Variants in ADAMTS17 observed in about 807,000 individuals in gnomAD.
ADAMTS17 encodes the protein ADAM metallopeptidase with thrombospondin type 1 motif 17.
In ADAMTS17, 113 loss-of-function variants were observed where a neutral mutation model predicts 141.5. The observed-to-expected ratio is 0.80, with a 90% CI of 0.69 to 0.93. ADAMTS17 has a LOEUF of 0.93. Among genes scored for constraint, ADAMTS17 ranks in the 40% least tolerant of loss-of-function variants. The probability of loss-of-function intolerance (pLI) is 0.00; values close to 1 mark genes in which losing one functional copy is unlikely to be tolerated. For missense variants in ADAMTS17, 1,659 were observed against 1,517.9 expected (o/e 1.09, Z -1.54); for synonymous variants, 768 against 630.6 (o/e 1.22, Z -3.27).
chr15:100,307,662 C>G (rs373633633), intron 3 of ADAMTS17, among the ~76,000 whole-genome samples: 1 of 152,164 alleles, frequency 6.6e-6, no homozygotes, highest in African/African-American at 2.4e-5. Context: ...GGAACCATGC[C>G]GTTTTACTGT....
intron 6 of ADAMTS17, among the ~76,000 whole-genome samples, chr15:100,259,284 G>C (rs1443319836): frequency 6.6e-6 from 1 of 152,226 alleles, no homozygotes; most frequent in African/African-American, 2.4e-5. Context: ...GGTTCCCAAG[G>C]ACTCTTGCTT....
chr15:99,994,210 A>G (rs1412644150), intron 19 of ADAMTS17, among the ~76,000 whole-genome samples: 5 of 152,208 alleles, frequency 3.3e-5, no homozygotes, highest in Admixed American at 1.3e-4. Context: ...TATAACTTGG[A>G]AAGATGGTGT....
chr15:100,295,765 A>G (rs930090971), intron 3 of ADAMTS17, among the ~76,000 whole-genome samples: 1 of 152,200 alleles, frequency 6.6e-6, no homozygotes, highest in Non-Finnish European at 1.5e-5. Context: ...AATACCTAGC[A>G]TGGTTCCAGC....
chr15:100,200,144 C>G (rs1016183130), intron 7 of ADAMTS17, among the ~76,000 whole-genome samples: 2 of 152,208 alleles, frequency 1.3e-5, no homozygotes. Context: ...CATGCTCGCA[C>G]CTAAGGATCT....
intron 15 of ADAMTS17, among the ~76,000 whole-genome samples, chr15:100,073,409 C>A (rs1443153773): frequency 3.3e-5 from 5 of 152,294 alleles, no homozygotes; most frequent in African/African-American, 1.2e-4. Flanking sequence ...CATCCCATTA[C>A]TGGGTGTATA....
intron 8 of ADAMTS17, among the ~76,000 whole-genome samples, chr15:100,172,510 C>A (rs1267426911): frequency 6.6e-6 from 1 of 152,294 alleles, no homozygotes; most frequent in Admixed American, 6.5e-5. Context: ...TGGTCACCTG[C>A]TCCATCCTGA....
chr15:100,074,423 G>T (rs1596353327), intron 15 of ADAMTS17, among the ~76,000 whole-genome samples: 1 of 152,074 alleles, frequency 6.6e-6, no homozygotes, highest in African/African-American at 2.4e-5. Context: ...CTCATATGAA[G>T]AGTTTTGTTA....
intron 14 of ADAMTS17, among the ~76,000 whole-genome samples, chr15:100,101,925 C>A (rs560803146): frequency 6.6e-6 from 1 of 152,208 alleles, no homozygotes; most frequent in Non-Finnish European, 1.5e-5. Context: ...AGTTGCGCAG[C>A]CGTGACTCCA....
At chr15:100,157,714 AGT>A (rs896396806) in intron 8 of ADAMTS17, among the ~76,000 whole-genome samples, 1 of 152,140 alleles carries the variant, frequency 6.6e-6, no homozygotes, top group African/African-American at 2.4e-5. Flanking sequence ...ATCCATGACA[AGT>A]GTGTTGATCT....
At chr15:100,291,189 C>T (rs1056196575) in intron 3 of ADAMTS17, among the ~76,000 whole-genome samples, 3 of 152,116 alleles carry the variant, frequency 2.0e-5, no homozygotes, top group Admixed American at 6.6e-5. Context: ...GGGCAAAGGA[C>T]AGGAACAGAT....
intron 18 of ADAMTS17, among the ~76,000 whole-genome samples, chr15:100,032,016 G>A (rs1053281138): frequency 2.0e-5 from 3 of 152,316 alleles, no homozygotes; most frequent in African/African-American, 2.4e-5. Flanking sequence ...CTGTCTATAC[G>A]CGGCACTTGG....
chr15:100,301,263 T>A (rs748761010), intron 3 of ADAMTS17, among the ~76,000 whole-genome samples: 8 of 152,134 alleles, frequency 5.3e-5, no homozygotes, highest in Non-Finnish European at 1.2e-4. Flanking sequence ...TAAAAGTTGA[T>A]AATGGTTGAT....
intron 3 of ADAMTS17, among the ~76,000 whole-genome samples, chr15:100,313,690 C>A (rs1296859647): frequency 6.6e-6 from 1 of 152,250 alleles, no homozygotes; most frequent in Non-Finnish European, 1.5e-5. Flanking sequence ...CAGAACACAA[C>A]ATCACTGCTT....
intron 3 of ADAMTS17, among the ~76,000 whole-genome samples, chr15:100,284,479 TGA>T (rs1335485719): frequency 6.6e-6 from 1 of 152,156 alleles, no homozygotes; most frequent in Non-Finnish European, 1.5e-5. Context: ...TGCCACAAAA[TGA>T]GTGTTGAAAC....
intron 3 of ADAMTS17, among the ~76,000 whole-genome samples, chr15:100,311,664 C>T (rs1483061982): frequency 6.6e-6 from 1 of 152,176 alleles, no homozygotes; most frequent in Non-Finnish European, 1.5e-5. Flanking sequence ...GATTCAGACA[C>T]ATATGCGCAC....
chr15:100,206,973 T>A (rs1174779768), intron 7 of ADAMTS17, among the ~76,000 whole-genome samples: 2 of 152,022 alleles, frequency 1.3e-5, no homozygotes, highest in African/African-American at 2.4e-5. Context: ...GAAGGCAGAG[T>A]AGGGGCTGGT....
At chr15:100,158,938 C>G (rs1278055078) in intron 8 of ADAMTS17, among the ~76,000 whole-genome samples, 1 of 152,132 alleles carries the variant, frequency 6.6e-6, no homozygotes, top group African/African-American at 2.4e-5. Flanking sequence ...TTACACCTCT[C>G]ATGATGTTTA....
chr15:99,990,287 T>C (rs2060664962), intron 20 of ADAMTS17, among the ~76,000 whole-genome samples: 1 of 151,984 alleles, frequency 6.6e-6, no homozygotes, highest in Admixed American at 6.6e-5. Context: ...AATCCTGCCT[T>C]GGCCTCCCAA....
rs1323887492 is a variant in ADAMTS17, at chr15:100,162,751, T to C, written c.1182-7431A>G. The stretch of plus-strand genomic sequence containing the variant: ...TGTATATATATGCACATATACACAT[T>C]ATATATAGGCACATATACACATATA... On this transcript the variant is annotated intron_variant, in intron 8 of 21. Transcript: ENST00000268070. Among the ~76,000 whole-genome samples the C allele has an allele frequency of 2.2e-5, 3 of 139,046 alleles. No individual in the cohort carries two copies. In the East Asian group the frequency reaches 9.6e-4, roughly 45 times the overall value. The allele number at this position is 139,046 out of a possible 152,430, so 91.2% of individuals were successfully genotyped here.
Sources: allele counts gnomAD v4.1 joint callset (sites outside exome capture counted in the v4.1 genomes callset), GRCh38; gene constraint gnomAD v4.1.1; transcripts MANE v1.5; gene names NCBI Gene and HGNC (gene_info 2026-07-23, HGNC 2026-07-21).